The following TEX9 variants were observed in gnomAD, a reference collection of about 807,000 sequenced individuals.
TEX9 encodes testis-expressed protein 9.
TEX9 carries 74 observed loss-of-function variants against 59.6 expected under a neutral mutation model. The ratio of observed to expected loss-of-function variants is 1.24; its 90% confidence interval spans 1.03 to 1.51. The LOEUF (loss-of-function observed/expected upper bound fraction) is 1.51. TEX9 is among the 40% of genes most tolerant of loss of function. TEX9 has a pLI of 0.00. For missense variants in TEX9, 522 were observed against 447.8 expected, an observed-to-expected ratio of 1.17 and a Z score of -1.49; for synonymous variants, 186 against 152.2, an observed-to-expected ratio of 1.22 and a Z score of -1.64.
At chr15:56,363,459 G>A (rs138943108), upstream of TEX9, among the ~76,000 whole-genome samples, 119 of 152,062 alleles carry the variant, frequency 7.8e-4, no homozygotes, top group Admixed American at 1.2e-3. Flanking sequence ...GTGAGCCACC[G>A]CGCCTGGCTA....
chr15:56,438,143 G>A (rs1336271874), intron 12 of TEX9, among the ~76,000 whole-genome samples: 1 of 151,876 alleles, frequency 6.6e-6, no homozygotes, highest in African/African-American at 2.4e-5. Flanking sequence ...ACCAAAAAAG[G>A]GGCCACATTG....
chr15:56,339,121 G>A (rs533791944), intron 1 of TEX9, among the ~76,000 whole-genome samples: 4 of 151,724 alleles, frequency 2.6e-5, no homozygotes, highest in East Asian at 3.9e-4. Flanking sequence ...GGTGGCTCAC[G>A]TCTGTAATCC....
chr15:56,384,648 A>G (rs1335569509), intron 4 of TEX9, among the ~76,000 whole-genome samples: 1 of 152,210 alleles, frequency 6.6e-6, no homozygotes, highest in Non-Finnish European at 1.5e-5. Flanking sequence ...CTGCATAACA[A>G]AAATTCAGAA....
At chr15:56,338,895 G>A (rs1449109683) in intron 1 of TEX9, among the ~76,000 whole-genome samples, 1 of 152,094 alleles carries the variant, frequency 6.6e-6, no homozygotes, top group African/African-American at 2.4e-5. Flanking sequence ...TCCAGCCTGG[G>A]CAACGAGAGT....
chr15:56,342,073 G>C (rs1281678511), intron 1 of TEX9, among the ~76,000 whole-genome samples: 1 of 151,680 alleles, frequency 6.6e-6, no homozygotes, highest in East Asian at 1.9e-4. Flanking sequence ...TGAAGCCTAG[G>C]GTCTGGAATT....
At chr15:56,391,509 ATGTAT>A (rs1476262644) in intron 7 of TEX9, 91 bp downstream of exon 7, 1 of 841,834 alleles carries the variant, frequency 1.2e-6, no homozygotes. Context: ...ATTTAAAAAA[ATGTAT>A]TGTGATGTCT....
chr15:56,365,734 A>C, intron 2 of TEX9, 64 bp downstream of exon 2: 1 of 1,599,552 alleles, frequency 6.3e-7, no homozygotes, highest in African/African-American at 1.3e-5. Flanking sequence ...GCTTACAAGT[A>C]CTTTTTTCTG....
At chr15:56,420,815 T>C (rs945310126) in intron 10 of TEX9, among the ~76,000 whole-genome samples, 1 of 151,940 alleles carries the variant, frequency 6.6e-6, no homozygotes, top group Non-Finnish European at 1.5e-5. Context: ...ATGACAAACT[T>C]TACGAGTTTG....
chr15:56,370,306 ACCCAGTT>A, intron 2 of TEX9, among the ~76,000 whole-genome samples: 1 of 152,130 alleles, frequency 6.6e-6, no homozygotes, highest in Non-Finnish European at 1.5e-5. Flanking sequence ...ATACACCCAC[ACCCAGTT>A]AATCATCAAT....
intron 1 of TEX9, among the ~76,000 whole-genome samples, chr15:56,325,610 C>T (rs143931491): frequency 2.0e-5 from 3 of 152,240 alleles, no homozygotes; most frequent in African/African-American, 7.2e-5. Flanking sequence ...TGTCTCTGCA[C>T]CCTCTCATAA....
chr15:56,299,425 G>T lies in TEX9; in HGVS notation c.-107+55147G>T, dbSNP rs377444219. On this transcript the variant is annotated intron_variant, in intron 1 of 5. Coordinates refer to the TEX9 transcript ENST00000560827. The stretch of plus-strand genomic sequence containing the variant: ...TACCACCATGGGCTAAAACACTCAG[G>T]GTCCCTAAATAACCTTGAAAAGCAG... Among the ~76,000 whole-genome samples the T allele has an allele frequency of 2.0e-5, 3 of 152,232 alleles. 1 individual carries two copies. The highest frequency in any genetic ancestry group is 6.5e-5 in the Admixed American group (1 of 15,296).
intron 1 of TEX9, among the ~76,000 whole-genome samples, chr15:56,319,973 C>T (rs1202329185): frequency 6.6e-6 from 1 of 152,122 alleles, no homozygotes; most frequent in Admixed American, 6.5e-5. Context: ...GGAGGTATAT[C>T]AGGCTGAACA....
chr15:56,398,200 G>C (rs1189131844), intron 9 of TEX9: 1 of 152,068 alleles, frequency 6.6e-6, no homozygotes, highest in Non-Finnish European at 1.5e-5. Flanking sequence ...AGATTTTGAA[G>C]AATTCATGTA....
intron 1 of TEX9, among the ~76,000 whole-genome samples, chr15:56,245,496 AT>A (rs2043829754): frequency 6.6e-6 from 1 of 152,220 alleles, no homozygotes; most frequent in South Asian, 2.1e-4. Context: ...GGTTTACGAC[AT>A]TCATTTTGCA....
chr15:56,368,340 G>GT (rs1425694648), intron 2 of TEX9, among the ~76,000 whole-genome samples: 1 of 151,992 alleles, frequency 6.6e-6, no homozygotes, highest in Non-Finnish European at 1.5e-5. Flanking sequence ...TTTTATGTAG[G>GT]TTTTTTGCAT....
chr15:56,416,499 G>A (rs1242607436), intron 10 of TEX9, among the ~76,000 whole-genome samples: 1 of 151,882 alleles, frequency 6.6e-6, no homozygotes, highest in East Asian at 1.9e-4. Flanking sequence ...CTGTTTATGT[G>A]ATAAATTGCA....
At chr15:56,435,742 T>C (rs2050713040) in intron 12 of TEX9, among the ~76,000 whole-genome samples, 1 of 151,896 alleles carries the variant, frequency 6.6e-6, no homozygotes, top group Non-Finnish European at 1.5e-5. Context: ...CTATCAAATA[T>C]TTAAAAAATT....
chr15:56,268,086 A>G (rs2044432343), intron 1 of TEX9, among the ~76,000 whole-genome samples: 1 of 152,142 alleles, frequency 6.6e-6, no homozygotes, highest in Admixed American at 6.5e-5. Context: ...CTTTGTAGCA[A>G]TTGTGAATGG....
intron 12 of TEX9, among the ~76,000 whole-genome samples, chr15:56,439,540 T>C (rs2050783971): frequency 6.6e-6 from 1 of 151,900 alleles, no homozygotes; most frequent in Admixed American, 6.6e-5. Context: ...CAGAACAAAA[T>C]AGAGACCACA....
Sources: gnomAD v4.1 joint callset for allele counts (sites outside exome capture counted in the v4.1 genomes callset) on GRCh38, gnomAD v4.1.1 for gene constraint, MANE v1.5 for transcripts, NCBI Gene and HGNC (gene_info 2026-07-23, HGNC 2026-07-21) for gene names.